Variants in PTPRT observed in about 807,000 individuals in gnomAD.
PTPRT encodes the protein protein tyrosine phosphatase receptor type T, also known as receptor-type tyrosine-protein phosphatase T.
A neutral mutation model predicts 176.8 loss-of-function variants in PTPRT; 56 were observed. That is an observed-to-expected ratio of 0.32 (90% confidence interval 0.26 to 0.40). The LOEUF (loss-of-function observed/expected upper bound fraction) is 0.40, where lower values mean the gene tolerates loss of function less well. PTPRT is among the 10% of genes least tolerant of loss of function. PTPRT has a pLI of 1.00. For missense variants in PTPRT, 1,540 were observed against 1,908.2 expected, an observed-to-expected ratio of 0.81 and a Z score of 3.60; for synonymous variants, 783 against 739.0, an observed-to-expected ratio of 1.06 and a Z score of -0.96.
the PTPRT span, among the ~76,000 whole-genome samples, chr20:42,040,841 A>G: frequency 1.3e-5 from 2 of 152,184 alleles, no homozygotes; most frequent in East Asian, 1.9e-4. Context: ...ATGTGCCTTC[A>G]GGGGGTGTTA....
intron 13 of PTPRT, among the ~76,000 whole-genome samples, chr20:42,257,025 G>A (rs917090225): frequency 6.6e-6 from 1 of 152,164 alleles, no homozygotes; most frequent in Non-Finnish European, 1.5e-5. Context: ...GTAGGCATGC[G>A]GGTCCCATGC....
chr20:42,083,359 A>G lies in PTPRT; in HGVS notation c.4136+1323T>C, dbSNP rs1243206605. On this transcript the variant is annotated intron_variant, in intron 29 of 30. Transcript: ENST00000373187. ...TGGGCATCTGGAGGCAGCAGCTATT[A>G]GCTGGCAGGAAACCAGCTGCTAGTT... Among the ~76,000 whole-genome samples the G allele has an allele frequency of 2.6e-5, 4 of 152,300 alleles. No individual in the cohort carries two copies. In the South Asian group the frequency reaches 6.2e-4, roughly 24 times the overall value.
At chr20:42,729,073 A>T (rs1363152309) in intron 6 of PTPRT, among the ~76,000 whole-genome samples, 2 of 151,254 alleles carry the variant, frequency 1.3e-5, no homozygotes, top group Non-Finnish European at 3.0e-5. Context: ...TCTTCAAATT[A>T]AAAAAAAAGG....
At chr20:42,495,087 G>A (rs1347932677) in intron 7 of PTPRT, among the ~76,000 whole-genome samples, 4 of 152,118 alleles carry the variant, frequency 2.6e-5, no homozygotes, top group African/African-American at 9.7e-5. Context: ...AGGCCTCTGA[G>A]TGTTAGACTC....
At chr20:42,536,736 TTAGAC>T (rs1201215553) in intron 7 of PTPRT, among the ~76,000 whole-genome samples, 3 of 152,212 alleles carry the variant, frequency 2.0e-5, no homozygotes, top group Non-Finnish European at 4.4e-5. Flanking sequence ...TTTTGGCTCA[TTAGAC>T]TGGCAGAAAT....
chr20:42,508,127 TTGTGTG>T (rs57895943), intron 7 of PTPRT, among the ~76,000 whole-genome samples: 2 of 146,610 alleles, frequency 1.4e-5, no homozygotes, highest in African/African-American at 2.6e-5. Flanking sequence ...ATTACCCTTT[TTGTGTG>T]TGTGTGTGTG....
intron 1 of PTPRT, among the ~76,000 whole-genome samples, chr20:43,184,505 G>A (rs1031519425): frequency 1.3e-5 from 2 of 152,120 alleles, no homozygotes; most frequent in South Asian, 2.1e-4. Context: ...TGGCTAACAC[G>A]GTGAAACTCT....
chr20:42,147,294 G>A (rs768066925), intron 17 of PTPRT, among the ~76,000 whole-genome samples: 1 of 152,180 alleles, frequency 6.6e-6, no homozygotes, highest in Non-Finnish European at 1.5e-5. Context: ...AGGTGTCAGT[G>A]ACCTTGAAAA....
At chr20:42,153,040 CTT>C (rs1045323225) in intron 17 of PTPRT, among the ~76,000 whole-genome samples, 2 of 152,190 alleles carry the variant, frequency 1.3e-5, no homozygotes, top group African/African-American at 4.8e-5. Context: ...TCTTCTTCTA[CTT>C]TTCTCTAACT....
At chr20:43,162,727 T>C (rs1046178456) in intron 1 of PTPRT, among the ~76,000 whole-genome samples, 9 of 151,424 alleles carry the variant, frequency 5.9e-5, no homozygotes, top group African/African-American at 2.2e-4. Flanking sequence ...CAGTCACCCA[T>C]GGTTCCAACC....
At position 42,472,499 on chromosome 20, in the gene PTPRT, T is replaced by A. The variant is rs750336339; in HGVS notation, c.1217A>T (p.Gln406Leu). 1.2e-6 allele frequency: 2 copies of A among 1,614,236 alleles called. No individual in the cohort carries two copies. The highest frequency in any genetic ancestry group is 1.7e-4 in the Middle Eastern group (1 of 6,060). ...CACCGCGTAGCCGAAGGGCTCCCAC[T>A]GCAGGGTCAGCTGCCGGGCTCTGAT... is the stretch of plus-strand genomic sequence containing the variant. Reference protein sequence around the residue: ...VDIRARQLTLQWEPFGYAVTR... With the variant: ...VDIRARQLTLLWEPFGYAVTR... The change falls in exon 8 of 31, where the codon CAG becomes CTG. Residue 406 changes from glutamine to leucine, a missense_variant. Gln to Leu is a moderately radical substitution (Grantham distance 113). Transcript: ENST00000373187.
Position 43,122,033 on chromosome 20 carries a change from G to A in PTPRT, c.88+67613C>T, listed in dbSNP as rs2013279082. Among the ~76,000 whole-genome samples the A allele has an allele frequency of 2.6e-5, 4 of 152,154 alleles. No homozygotes were observed. The South Asian group carries it at 8.3e-4, about 32-fold the overall frequency. ...CTCTTGATCACCTAGCTATTCCTCA[G>A]CATTATAGGATTCTAGTCCCCGGCT... On this transcript the variant is annotated intron_variant, in intron 1 of 30. Transcript: ENST00000373187.
Position 42,119,955 on chromosome 20 carries a change from C to T in PTPRT, c.2864G>A (p.Arg955Gln), listed in dbSNP as rs750813623. The change falls in exon 20 of 31, where the codon CGG (arginine) becomes CAG (glutamine). Residue 955 changes from arginine (R) to glutamine (Q), a missense_variant. This residue lies in a region of PTPRT where 248 missense variants were observed against 356.7 expected (regional missense o/e 0.70). Transcript: ENST00000373187. ...ANYIDGYHRP[R>Q]HYIATQGPMQ... is the part of the protein sequence containing the mutation. ...CTTACCTTGAGTCGCAATGTAGTGC[C>T]GAGGTCGATGGTATCCCTGGATAAC... 14 of 1,608,088 alleles carry T rather than the reference C, an allele frequency of 8.7e-6. No individual in the cohort carries two copies. Among genetic ancestry groups the T allele is most frequent in the East Asian group, 4.5e-5 (2 of 44,148 alleles).
chr20:42,094,088 T>C (rs1303577062), intron 27 of PTPRT, among the ~76,000 whole-genome samples: 1 of 152,204 alleles, frequency 6.6e-6, no homozygotes, highest in East Asian at 1.9e-4. Flanking sequence ...CTATAGCCAA[T>C]GACCTTGACC....
At chr20:42,149,267 C>T (rs933828863) in intron 17 of PTPRT, among the ~76,000 whole-genome samples, 1 of 152,114 alleles carries the variant, frequency 6.6e-6, no homozygotes, top group East Asian at 1.9e-4. Context: ...GTTCTAGAGC[C>T]TCTAGAAAGG....
intron 1 of PTPRT, among the ~76,000 whole-genome samples, chr20:43,066,203 C>T (rs574700941): frequency 6.6e-6 from 1 of 152,330 alleles, no homozygotes; most frequent in East Asian, 1.9e-4. Flanking sequence ...GGCTCTCACA[C>T]ACCCACCAGT....
chr20:42,069,570 C>T (rs908193648), downstream of PTPRT, among the ~76,000 whole-genome samples: 2 of 151,980 alleles, frequency 1.3e-5, no homozygotes, highest in Admixed American at 1.3e-4. Flanking sequence ...TATAATTGGC[C>T]TTTCCGGGTA....
At chr20:43,141,793 A>G (rs2014016475) in intron 1 of PTPRT, among the ~76,000 whole-genome samples, 1 of 152,204 alleles carries the variant, frequency 6.6e-6, no homozygotes, top group Non-Finnish European at 1.5e-5. Context: ...TACTCTCTTT[A>G]TTCCCAGAAC....
intron 1 of PTPRT, among the ~76,000 whole-genome samples, chr20:43,066,057 T>C (rs140645961): frequency 9.1e-4 from 139 of 152,298 alleles, no homozygotes; most frequent in Non-Finnish European, 1.3e-3. Context: ...AGCCAGTTTA[T>C]TCTCTCAGAC....
Sources: gnomAD v4.1 joint callset for allele counts (sites outside exome capture counted in the v4.1 genomes callset) on GRCh38, gnomAD v4.1.1 for gene constraint, gnomAD v4.1.1 regional missense constraint, MANE v1.5 for transcripts, NCBI Gene and HGNC (gene_info 2026-07-23, HGNC 2026-07-21) for gene names.